The following CHST9 variants were observed in gnomAD, a reference collection of about 807,000 sequenced individuals.
CHST9 encodes the protein GalNAc-4-sulfotransferase 2.
In CHST9, 41 loss-of-function variants were observed where a neutral mutation model predicts 44.4. The ratio of observed to expected loss-of-function variants is 0.92; its 90% confidence interval spans 0.72 to 1.20. The LOEUF (loss-of-function observed/expected upper bound fraction) is 1.20, where lower values mean the gene tolerates loss of function less well. Among genes scored for constraint, CHST9 ranks in the 50% most tolerant of loss-of-function variants. The probability of loss-of-function intolerance (pLI) is 0.00; values close to 1 mark genes in which losing one functional copy is unlikely to be tolerated. For missense variants in CHST9, 504 were observed against 516.5 expected, an observed-to-expected ratio of 0.98 and a Z score of 0.23; for synonymous variants, 171 against 178.4, an observed-to-expected ratio of 0.96 and a Z score of 0.33.
At chr18:27,125,023 C>G (rs2143819763) in intron 2 of CHST9, among the ~76,000 whole-genome samples, 1 of 152,224 alleles carries the variant, frequency 6.6e-6, no homozygotes, top group African/African-American at 2.4e-5. Flanking sequence ...TCGGTTTATT[C>G]CTGTTACTAG....
At chr18:27,053,256 A>AAGAAGAAGGAGAAGG (rs1568151140) in intron 2 of CHST9, among the ~76,000 whole-genome samples, 26 of 80,572 alleles carry the variant, frequency 3.2e-4, no homozygotes, top group Admixed American at 6.6e-4. Context: ...GAAGAAGAAG[A>AAGAAGAAGGAGAAGG]AGAAGGAGAA....
chr18:27,142,029 A>G (rs938241367), intron 2 of CHST9, among the ~76,000 whole-genome samples: 1 of 152,228 alleles, frequency 6.6e-6, no homozygotes, highest in African/African-American at 2.4e-5. Context: ...TGAGCACAGC[A>G]GGGATCAGTA....
At chr18:26,981,626 A>G (rs2056693079) in intron 4 of CHST9, among the ~76,000 whole-genome samples, 1 of 152,180 alleles carries the variant, frequency 6.6e-6, no homozygotes, top group Non-Finnish European at 1.5e-5. Flanking sequence ...TGGCACATGG[A>G]ATTTGGAGGT....
At position 26,916,608 on chromosome 18, in the gene CHST9, A is replaced by T; in HGVS notation, c.983T>A (p.Val328Asp). 1.2e-6 allele frequency: 2 copies of T among 1,613,740 alleles called. No homozygotes were observed. The highest frequency in any genetic ancestry group is 1.7e-6 in the Non-Finnish European group (2 of 1,179,760). Reference sequence around the variant, plus strand: ...GTAGTGGATAAACTCTTTGAACTTGACTCCAGATCCATTAATTAATGCTTC... The same window carrying T: ...GTAGTGGATAAACTCTTTGAACTTGTCTCCAGATCCATTAATTAATGCTTC... ...CEEALINGSGVKFKEFIHYLL... is the reference protein window; with the variant it reads ...CEEALINGSGDKFKEFIHYLL... The change falls in exon 6 of 6, where the codon GTC becomes GAC. Residue 328 changes from valine (V) to aspartate (D), a missense_variant. Physicochemically the swap from Val to Asp is radical, Grantham distance 152 (BLOSUM62 -3). Coordinates refer to ENST00000618847, the MANE Select transcript of CHST9 (RefSeq NM_031422.6).
chr18:27,062,407 T>C (rs909767830), intron 2 of CHST9, among the ~76,000 whole-genome samples: 1 of 151,626 alleles, frequency 6.6e-6, no homozygotes, highest in East Asian at 1.9e-4. Context: ...TGAGAACACG[T>C]GGTGTTTGGT....
At chr18:26,956,466 C>A (rs529994394) in intron 4 of CHST9, among the ~76,000 whole-genome samples, 1 of 146,926 alleles carries the variant, frequency 6.8e-6, no homozygotes. Context: ...TACATATATA[C>A]AATTATATAT....
rs372221757 is a variant in CHST9 at position 26,917,320 on chromosome 18, G to T, written c.271C>A (p.Arg91=). ...NPKFHMPEDV[R]EKKENLLLNS... is the part of the protein sequence containing the mutation. ...AGTAGAAGATTTTCCTTTTTTTCTC[G>T]TACATCCTCAGGCATGTGAAACTTG... Residue 91 remains arginine (R), a synonymous_variant, in exon 6 of 6, where the codon CGA becomes AGA. Coordinates refer to ENST00000618847, the MANE Select transcript of CHST9 (RefSeq NM_031422.6). 5 of 1,612,074 alleles carry T rather than the reference G, an allele frequency of 3.1e-6. 1 individual carries two copies. The South Asian group carries it at 5.5e-5, about 18-fold the overall frequency.
At chr18:27,175,214 C>G (rs2058859236) in intron 1 of CHST9, among the ~76,000 whole-genome samples, 1 of 151,478 alleles carries the variant, frequency 6.6e-6, no homozygotes, top group Non-Finnish European at 1.5e-5. Flanking sequence ...TTTTGTTCTC[C>G]TTTATCTTCC....
chr18:27,032,351 G>C (rs759847660), intron 3 of CHST9, among the ~76,000 whole-genome samples: 47 of 152,048 alleles, frequency 3.1e-4, no homozygotes, highest in Non-Finnish European at 6.0e-4. Flanking sequence ...CTTCCTTCTT[G>C]ATCTTTCCTC....
intron 2 of CHST9, among the ~76,000 whole-genome samples, chr18:27,108,906 A>G (rs1476377765): frequency 1.3e-5 from 2 of 152,226 alleles, no homozygotes; most frequent in Admixed American, 6.5e-5. Flanking sequence ...TAGAAATTTT[A>G]AACTAAAATA....
intron 2 of CHST9, among the ~76,000 whole-genome samples, chr18:27,096,191 T>C (rs1041610706): frequency 1.3e-5 from 2 of 151,940 alleles, no homozygotes; most frequent in African/African-American, 4.8e-5. Flanking sequence ...GACTTTTGAG[T>C]AAACAATGAA....
At chr18:27,062,532 G>C (rs913598359) in intron 2 of CHST9, among the ~76,000 whole-genome samples, 1 of 152,158 alleles carries the variant, frequency 6.6e-6, no homozygotes, top group East Asian at 1.9e-4. Flanking sequence ...TGGTGTATAT[G>C]TGCCACATTT....
intron 1 of CHST9, among the ~76,000 whole-genome samples, chr18:27,169,554 A>G (rs2058817586): frequency 6.6e-6 from 1 of 151,776 alleles, no homozygotes; most frequent in Non-Finnish European, 1.5e-5. Context: ...TGTAATGGAC[A>G]CACATAGTAC....
intron 2 of CHST9, among the ~76,000 whole-genome samples, chr18:27,107,556 A>G (rs555911605): frequency 5.9e-5 from 9 of 152,218 alleles, no homozygotes; most frequent in Non-Finnish European, 1.2e-4. Flanking sequence ...TAGGTAATAC[A>G]CTGCAGCTAG....
At chr18:27,168,714 C>T (rs1273893199) in intron 1 of CHST9, among the ~76,000 whole-genome samples, 2 of 151,922 alleles carry the variant, frequency 1.3e-5, no homozygotes, top group African/African-American at 4.8e-5. Context: ...TGAGAGAAAC[C>T]TCAATAGTCC....
intron 2 of CHST9, among the ~76,000 whole-genome samples, chr18:27,121,380 TC>T (rs1175242371): frequency 6.6e-6 from 1 of 151,918 alleles, no homozygotes; most frequent in Non-Finnish European, 1.5e-5. Flanking sequence ...CTGCCCCTAC[TC>T]CCCCTCCCTG....
At chr18:26,926,087 C>G (rs1221234226) in intron 5 of CHST9, among the ~76,000 whole-genome samples, 5 of 152,138 alleles carry the variant, frequency 3.3e-5, no homozygotes, top group African/African-American at 1.2e-4. Context: ...TTATGGGTAA[C>G]AGGGAGGAAC....
chr18:27,006,265 A>C (rs893283161), intron 4 of CHST9, among the ~76,000 whole-genome samples: 1 of 152,172 alleles, frequency 6.6e-6, no homozygotes, highest in African/African-American at 2.4e-5. Flanking sequence ...TTTGGTCAGC[A>C]TCAAGTGCCC....
At chr18:27,115,370 T>C (rs954505046) in intron 2 of CHST9, among the ~76,000 whole-genome samples, 1 of 152,328 alleles carries the variant, frequency 6.6e-6, no homozygotes, top group Middle Eastern at 3.4e-3. Flanking sequence ...CTCTTGGGAA[T>C]AGACCTAAGA....
Sources: allele counts gnomAD v4.1 joint callset (sites outside exome capture counted in the v4.1 genomes callset), GRCh38; gene constraint gnomAD v4.1.1; transcripts MANE v1.5; gene names NCBI Gene and HGNC (gene_info 2026-07-23, HGNC 2026-07-21).